GRIN2A: variants seen among roughly 807,000 people sequenced by gnomAD.
GRIN2A encodes the protein glutamate ionotropic receptor NMDA type subunit 2A.
Under a neutral mutation model 113.4 loss-of-function variants are expected in GRIN2A, and 22 were observed. The observed-to-expected ratio is 0.19, with a 90% CI of 0.14 to 0.28. The LOEUF (loss-of-function observed/expected upper bound fraction) is 0.28, where lower values mean the gene tolerates loss of function less well. GRIN2A is among the 10% of genes least tolerant of loss of function. The pLI is 1.00. For synonymous variants in GRIN2A, 827 were observed against 738.4 expected, an observed-to-expected ratio of 1.12 and a Z score of -1.94; for missense variants, 1,502 against 1,887.0, an observed-to-expected ratio of 0.80 and a Z score of 3.78.
At chr16:10,137,717 C>A (rs2049229163) in intron 2 of GRIN2A, among the ~76,000 whole-genome samples, 1 of 152,126 alleles carries the variant, frequency 6.6e-6, no homozygotes, top group Admixed American at 6.5e-5. Context: ...ACTATAGTTT[C>A]CTCCTCTGTA....
chr16:10,180,563 T>A lies in GRIN2A; in HGVS notation c.-18-134A>T, dbSNP rs1269275414. On this transcript the variant is annotated intron_variant, in intron 1 of 12. Coordinates refer to ENST00000330684, the MANE Select transcript of GRIN2A (RefSeq NM_001134407.3). The surrounding 1 kb of genome is among the most constrained non-coding windows in gnomAD (Gnocchi z 7.0). ...AGGATAGGCTGCTGGGATCACGGAC[T>A]CCATTCCGAGTCCCCGACGCCATCC... 3.4e-6 allele frequency: 5 copies of A among 1,473,604 alleles called. No individual in the cohort carries two copies. The Admixed American group carries it at 9.0e-5, about 26-fold the overall frequency. 91.3% of individuals were successfully genotyped at this position (1,473,604 alleles called of 1,614,324 possible).
At chr16:9,794,251 T>G in intron 11 of GRIN2A, among the ~76,000 whole-genome samples, 1 of 152,210 alleles carries the variant, frequency 6.6e-6, no homozygotes, top group East Asian at 1.9e-4. Flanking sequence ...AGAGGTTCCC[T>G]CAATAACCAA....
chr16:10,160,346 G>A (rs1006809250), intron 2 of GRIN2A, among the ~76,000 whole-genome samples: 3 of 152,176 alleles, frequency 2.0e-5, no homozygotes, highest in African/African-American at 7.2e-5. Flanking sequence ...AGCACAAGTG[G>A]GCGTGGACCA....
chr16:10,049,396 G>A (rs911657461), intron 2 of GRIN2A, among the ~76,000 whole-genome samples: 3 of 146,566 alleles, frequency 2.0e-5, no homozygotes, highest in South Asian at 2.1e-4. Flanking sequence ...TTTTTTTTTC[G>A]AGACAGAGTC....
At chr16:10,146,144 G>T (rs2049434412) in intron 2 of GRIN2A, among the ~76,000 whole-genome samples, 1 of 152,070 alleles carries the variant, frequency 6.6e-6, no homozygotes, top group Admixed American at 6.5e-5. Flanking sequence ...TTGAGATGGA[G>T]TCTCGCTCTG....
At chr16:9,995,365 G>A (rs912455158) in intron 2 of GRIN2A, among the ~76,000 whole-genome samples, 5 of 152,122 alleles carry the variant, frequency 3.3e-5, no homozygotes, top group African/African-American at 1.2e-4. Context: ...TTCATGGAGG[G>A]GATAGATGAC....
chr16:9,934,195 G>A (rs1420247864), intron 3 of GRIN2A, among the ~76,000 whole-genome samples: 3 of 152,032 alleles, frequency 2.0e-5, no homozygotes, highest in African/African-American at 7.2e-5. Context: ...AGATTCTGTT[G>A]TTTTCTGTAC....
chr16:10,047,179 G>A (rs1022309531), intron 2 of GRIN2A, among the ~76,000 whole-genome samples: 3 of 152,142 alleles, frequency 2.0e-5, no homozygotes, highest in Non-Finnish European at 4.4e-5. Flanking sequence ...TTTGTTTCCT[G>A]CCCTCAAGTA....
intron 3 of GRIN2A, among the ~76,000 whole-genome samples, chr16:9,916,715 C>G (rs1327094227): frequency 1.3e-5 from 2 of 152,196 alleles, no homozygotes; most frequent in Non-Finnish European, 2.9e-5. Context: ...GGCATGACCT[C>G]TTTTCCACCA....
chr16:10,102,541 TTTTTC>T (rs2048420654), intron 2 of GRIN2A, among the ~76,000 whole-genome samples: 1 of 152,152 alleles, frequency 6.6e-6, no homozygotes, highest in Non-Finnish European at 1.5e-5. Flanking sequence ...TTTTTTCTTT[TTTTTC>T]TTTTCTTTTT....
intron 4 of GRIN2A, among the ~76,000 whole-genome samples, chr16:9,889,437 T>C (rs1474968960): frequency 6.6e-6 from 1 of 152,196 alleles, no homozygotes; most frequent in Non-Finnish European, 1.5e-5. Context: ...GTTGATTTTT[T>C]TCTATGGCTT....
intron 2 of GRIN2A, among the ~76,000 whole-genome samples, chr16:10,043,141 G>T (rs1023386633): frequency 6.6e-6 from 1 of 152,162 alleles, no homozygotes; most frequent in African/African-American, 2.4e-5. Context: ...TAGTATCTTA[G>T]ACACTTTTTA....
intron 2 of GRIN2A, among the ~76,000 whole-genome samples, chr16:10,079,673 C>T (rs1202790596): frequency 1.3e-5 from 2 of 152,222 alleles, no homozygotes; most frequent in Non-Finnish European, 2.9e-5. Context: ...CCTCACCAGA[C>T]ATGAATCTTC....
At chr16:10,089,100 A>G (rs914789905) in intron 2 of GRIN2A, among the ~76,000 whole-genome samples, 1 of 152,228 alleles carries the variant, frequency 6.6e-6, no homozygotes, top group African/African-American at 2.4e-5. Flanking sequence ...ATATATCCAT[A>G]GCATTTAAAT....
intron 2 of GRIN2A, among the ~76,000 whole-genome samples, chr16:10,097,757 T>C (rs2048321080): frequency 6.6e-6 from 1 of 152,190 alleles, no homozygotes; most frequent in South Asian, 2.1e-4. Context: ...AGAACTAAAG[T>C]GGATCCTCAT....
At chr16:9,779,197 C>A (rs148583538) in intron 11 of GRIN2A, among the ~76,000 whole-genome samples, 1 of 152,328 alleles carries the variant, frequency 6.6e-6, no homozygotes, top group East Asian at 1.9e-4. Flanking sequence ...TGGGGAGATG[C>A]CTCTGAGTTC....
chr16:10,159,981 T>C (rs543633346), intron 2 of GRIN2A, among the ~76,000 whole-genome samples: 2 of 152,270 alleles, frequency 1.3e-5, no homozygotes, highest in South Asian at 4.2e-4. Context: ...TGGAAGCTAG[T>C]AAAGGAAAGG....
At chr16:9,857,431 A>G (rs2042988602) in intron 4 of GRIN2A, among the ~76,000 whole-genome samples, 1 of 152,224 alleles carries the variant, frequency 6.6e-6, no homozygotes, top group Non-Finnish European at 1.5e-5. Context: ...TTGTAAATAT[A>G]AAACTAGTTA....
chr16:9,914,905 CTTTTTTTTTTTTTTTTTTTTT>C (rs869182389), intron 3 of GRIN2A, among the ~76,000 whole-genome samples: 113 of 33,470 alleles, frequency 3.4e-3, no homozygotes, highest in East Asian at 7.2e-3. Context: ...GATTATGCAG[CTTTTTTTTTTTTTTTTTTTTT>C]TTTTTTTTTT....
Sources: gnomAD v4.1 joint callset for allele counts (sites outside exome capture counted in the v4.1 genomes callset) on GRCh38, gnomAD v4.1.1 for gene constraint, Gnocchi (gnomAD v3.1) non-coding constraint, MANE v1.5 for transcripts, NCBI Gene and HGNC (gene_info 2026-07-23, HGNC 2026-07-21) for gene names.